Variants in RERE observed in about 807,000 individuals in gnomAD.
The protein encoded by RERE is arginine-glutamic acid dipeptide repeats.
Under a neutral mutation model 146.1 loss-of-function variants are expected in RERE, and 40 were observed. The observed-to-expected ratio is 0.27, with a 90% CI of 0.21 to 0.36. The LOEUF (loss-of-function observed/expected upper bound fraction) is 0.36, where lower values mean the gene tolerates loss of function less well. Ranked by LOEUF, RERE falls within the 10% of genes least tolerant of loss-of-function variation. RERE has a pLI of 1.00. For missense variants in RERE, 1,933 were observed against 2,138.7 expected (o/e 0.90, Z 1.90); for synonymous variants, 1,003 against 866.0 (o/e 1.16, Z -2.78).
At chr1:8,501,232 G>A (rs61783622) in intron 8 of RERE, among the ~76,000 whole-genome samples, 134 of 103,974 alleles carry the variant, frequency 1.3e-3, no homozygotes, top group Middle Eastern at 7.1e-3. Context: ...CCGCCCGGCC[G>A]GCCGCCCCGT....
chr1:8,618,425 A>C (rs1272534822), intron 3 of RERE, among the ~76,000 whole-genome samples: 8 of 152,204 alleles, frequency 5.3e-5, no homozygotes, highest in Non-Finnish European at 1.2e-4. Flanking sequence ...GAACCTGGGC[A>C]ATCTACCATC....
At chr1:8,491,419 A>C (rs2124219834) in intron 10 of RERE, among the ~76,000 whole-genome samples, 1 of 151,366 alleles carries the variant, frequency 6.6e-6, no homozygotes, top group Admixed American at 6.6e-5. Context: ...GGGCAACAAG[A>C]GCAAAACTCC....
At chr1:8,467,237 C>G (rs957937789) in intron 10 of RERE, among the ~76,000 whole-genome samples, 4 of 152,244 alleles carry the variant, frequency 2.6e-5, no homozygotes, top group Non-Finnish European at 4.4e-5. Context: ...ATTTGCCGAA[C>G]ATTCAGGTCA....
At chr1:8,676,194 T>C (rs1052944390) in intron 1 of RERE, among the ~76,000 whole-genome samples, 6 of 152,214 alleles carry the variant, frequency 3.9e-5, no homozygotes, top group African/African-American at 1.4e-4. Context: ...TTCCTTAGAA[T>C]AGAATGTGAG....
At chr1:8,813,123 G>A (rs887616688) in intron 1 of RERE, among the ~76,000 whole-genome samples, 1 of 152,100 alleles carries the variant, frequency 6.6e-6, no homozygotes, top group Non-Finnish European at 1.5e-5. Context: ...CATTCAAGAG[G>A]AATTCCTGGT....
intron 11 of RERE, among the ~76,000 whole-genome samples, chr1:8,427,298 G>A (rs554373102): frequency 2.6e-5 from 4 of 152,238 alleles, no homozygotes; most frequent in Admixed American, 2.0e-4. Flanking sequence ...TCCTAGTTTT[G>A]CTCATACCAC....
chr1:8,360,242 G>C lies in RERE; in HGVS notation c.3265C>G (p.Pro1089Ala), dbSNP rs1259871272. The C allele has an allele frequency of 5.7e-6, 9 of 1,580,846 alleles. No homozygotes were observed. The highest frequency in any genetic ancestry group is 1.8e-5 in the Admixed American group (1 of 56,278). ...SIAGGSSCPL[P>A]TVQIKEEALD... ...GCCTCCTCCTTGATCTGGACGGTGG[G>C]GAGTGGGCAGGACGACCCCCCCGCT... is the stretch of plus-strand genomic sequence containing the variant. Residue 1089 changes from proline to alanine, a missense_variant, in exon 18 of 23, where the codon CCC becomes GCC. This residue lies in a region of RERE where 1,255 missense variants were observed against 1,153.8 expected (regional missense o/e 1.09). Transcript: ENST00000400908.
chr1:8,416,598 A>AAAGAAAAG (rs1553164003), intron 12 of RERE, among the ~76,000 whole-genome samples: 10 of 147,682 alleles, frequency 6.8e-5, no homozygotes, highest in African/African-American at 2.5e-4. Context: ...AAAAAAAAAA[A>AAAGAAAAG]AAAAGAAAAG....
chr1:8,438,732 C>T lies in RERE; in HGVS notation c.1204-15925G>A, dbSNP rs371117903. On this transcript the variant is annotated intron_variant, in intron 11 of 22. Coordinates refer to ENST00000400908, the MANE Select transcript of RERE (RefSeq NM_001042681.2). The stretch of plus-strand genomic sequence containing the variant: ...CAGCATCACAAGTACTCAAATGTAG[C>T]GTTTAAAAGTACTAACTTTTAAAAT... Among the ~76,000 whole-genome samples, 4 of 151,756 alleles carry T rather than the reference C, an allele frequency of 2.6e-5. No homozygotes were observed. The East Asian group carries it at 5.8e-4, about 22-fold the overall frequency.
chr1:8,680,922 C>G (rs1014992020), intron 1 of RERE, among the ~76,000 whole-genome samples: 2 of 152,176 alleles, frequency 1.3e-5, no homozygotes, highest in African/African-American at 4.8e-5. Context: ...ATGGGTCAAT[C>G]TCGCAGGAAT....
intron 15 of RERE, among the ~76,000 whole-genome samples, chr1:8,363,433 G>A (rs1324351394): frequency 3.3e-5 from 5 of 152,178 alleles, no homozygotes; most frequent in South Asian, 2.1e-4. Context: ...AGCGGGGGCC[G>A]GGCTGCCAGC....
chr1:8,655,225 G>A (rs1276864532), intron 2 of RERE, among the ~76,000 whole-genome samples: 1 of 146,758 alleles, frequency 6.8e-6, no homozygotes, highest in Admixed American at 6.8e-5. Context: ...TTTTTTTTCT[G>A]AGACGGAGAC....
At chr1:8,422,884 TCAG>T in intron 11 of RERE, 77 bp from the exon 12 acceptor site, 1 of 1,055,478 alleles carries the variant, frequency 9.5e-7, no homozygotes, top group Non-Finnish European at 1.5e-6. Flanking sequence ...ATATCTACAA[TCAG>T]CAGAATAACA....
At chr1:8,400,024 G>A (rs764409640) in intron 12 of RERE, among the ~76,000 whole-genome samples, 5 of 151,698 alleles carry the variant, frequency 3.3e-5, no homozygotes, top group South Asian at 2.1e-4. Context: ...CACTGCACCC[G>A]GCTCAGTATT....
At position 8,686,327 on chromosome 1, in the gene RERE, T is replaced by C. The variant is rs72855883; in HGVS notation, c.-144-29886A>G. ...AAGCCATGCATCCTAGGGAATTACG[T>C]AGAAATTCAACAAATATTTATCAGA... is the stretch of plus-strand genomic sequence containing the variant. On this transcript the variant is annotated intron_variant, in intron 1 of 22. Coordinates refer to ENST00000400908, the MANE Select transcript of RERE (RefSeq NM_001042681.2). Among the ~76,000 whole-genome samples the C allele has an allele frequency of 1.8e-3, 269 of 152,276 alleles. 1 individual carries two copies. Among genetic ancestry groups the C allele is most frequent in the African/African-American group, 5.1e-3 (213 of 41,570 alleles).
Position 8,390,966 on chromosome 1 carries a change from C to T in RERE, c.1285-24992G>A, listed in dbSNP as rs535530437. Among the ~76,000 whole-genome samples the T allele has an allele frequency of 7.8e-4, 118 of 152,180 alleles. 1 individual carries two copies. Among genetic ancestry groups the T allele is most frequent in the African/African-American group, 2.7e-3 (113 of 41,514 alleles). ...ACAAAACAAAACAAAAAAAACTTTACTTCTCTCTGCCTCAACTGCCACCAC... is the reference window on the plus strand; with the variant it reads ...ACAAAACAAAACAAAAAAAACTTTATTTCTCTCTGCCTCAACTGCCACCAC... On this transcript the variant is annotated intron_variant, in intron 12 of 22. Transcript: ENST00000400908.
At chr1:8,459,436 T>C (rs553890744) in intron 11 of RERE, among the ~76,000 whole-genome samples, 23 of 152,358 alleles carry the variant, frequency 1.5e-4, no homozygotes, top group African/African-American at 5.1e-4. Flanking sequence ...GAGAATCTAC[T>C]GTGATTCAAT....
rs1570007181 is a variant in RERE at position 8,354,354 on chromosome 1, G to A, written c.*733C>T. 2 of 152,624 alleles carry A rather than the reference G, an allele frequency of 1.3e-5. No homozygotes were observed. The highest frequency in any genetic ancestry group is 3.8e-4 in the East Asian group (2 of 5,200). 9.5% of individuals were successfully genotyped at this position (152,624 alleles called of 1,614,324 possible). ...TGCTCGCTGCTGTGACCAGGCCTCG[G>A]TCCAAGCCTCTGTCCATGTGGAACG... is the stretch of plus-strand genomic sequence containing the variant. On this transcript the variant is annotated 3_prime_UTR_variant, in exon 23 of 23. Coordinates refer to ENST00000400908, the MANE Select transcript of RERE (RefSeq NM_001042681.2).
intron 4 of RERE, among the ~76,000 whole-genome samples, chr1:8,611,711 G>T: frequency 6.6e-6 from 1 of 152,176 alleles, no homozygotes; most frequent in East Asian, 1.9e-4. Context: ...CAGCCAACAT[G>T]AGTCCTCTGC....
Sources: gnomAD v4.1 joint callset for allele counts (sites outside exome capture counted in the v4.1 genomes callset) on GRCh38, gnomAD v4.1.1 for gene constraint, gnomAD v4.1.1 regional missense constraint, MANE v1.5 for transcripts, NCBI Gene and HGNC (gene_info 2026-07-23, HGNC 2026-07-21) for gene names.